The following TMEM237 variants were observed in gnomAD, a reference collection of about 807,000 sequenced individuals.
TMEM237 encodes the protein transmembrane protein 237, also known as amyotrophic lateral sclerosis 2 (juvenile) chromosome region, candidate 4.
A neutral mutation model predicts 59.1 loss-of-function variants in TMEM237; 51 were observed. The observed-to-expected ratio is 0.86, with a 90% CI of 0.69 to 1.09. The LOEUF is 1.09. Ranked by LOEUF, TMEM237 falls within the 50% of genes least tolerant of loss-of-function variation. The pLI is 0.00. For synonymous variants in TMEM237, 140 were observed against 166.1 expected (o/e 0.84, Z 1.21); for missense variants, 475 against 478.3 (o/e 0.99, Z 0.06).
Position 201,643,243 on chromosome 2 carries a change from G to T in TMEM237, c.42+116C>A. On this transcript the variant is annotated intron_variant, in intron 1 of 12. Coordinates refer to ENST00000409883, the MANE Select transcript of TMEM237 (RefSeq NM_001044385.3). This position sits in a 1 kb window ranked among gnomAD's most constrained non-coding sequence, Gnocchi z 4.3. The stretch of plus-strand genomic sequence containing the variant: ...CGGATGCGCGCACCCCACGAGCAAG[G>T]CCCTCCCTTAGTGATTCCCAGCTCG... The T allele has an allele frequency of 8.5e-7, 1 of 1,173,564 alleles. No individual in the cohort carries two copies. Among genetic ancestry groups the T allele is most frequent in the Non-Finnish European group, 1.2e-6 (1 of 830,544 alleles). 72.7% of individuals were successfully genotyped at this position (1,173,564 alleles called of 1,614,324 possible). A position where few individuals can be genotyped will look rare whatever the true frequency, so the allele number is the denominator to read the frequency against.
chr2:201,624,378 G>T, intron 12 of TMEM237, 56 bp from the exon 13 acceptor site: 3 of 1,314,734 alleles, frequency 2.3e-6, no homozygotes, highest in Non-Finnish European at 3.2e-6. Context: ...ACCTCCAACA[G>T]AGTTGTATAG....
chr2:201,638,027 T>C (rs1031093403), intron 4 of TMEM237, among the ~76,000 whole-genome samples: 2 of 152,226 alleles, frequency 1.3e-5, no homozygotes, highest in African/African-American at 4.8e-5. Flanking sequence ...ATTCCACTGC[T>C]AGCAATCCAT....
At chr2:201,639,193 A>C in intron 3 of TMEM237, 148 bp from the exon 4 acceptor site, 1 of 693,446 alleles carries the variant, frequency 1.4e-6, no homozygotes, top group South Asian at 1.9e-5. Context: ...GAAGGCAAGA[A>C]ATTGAGAAGA....
At chr2:201,636,426 G>A (rs1687297970) in intron 5 of TMEM237, 1 of 226,988 alleles carries the variant, frequency 4.4e-6, no homozygotes, top group Non-Finnish European at 8.5e-6. Flanking sequence ...TGTTAGTACA[G>A]AATCTACCAT....
At chr2:201,631,888 T>G (rs550344575) in intron 7 of TMEM237, among the ~76,000 whole-genome samples, 163 bp downstream of exon 7, 1 of 152,340 alleles carries the variant, frequency 6.6e-6, no homozygotes, top group East Asian at 1.9e-4. Context: ...TTAGGTTGTT[T>G]CCAGTTTTTC....
chr2:201,636,683 AG>A, intron 5 of TMEM237, 64 bp downstream of exon 5: 1 of 1,513,376 alleles, frequency 6.6e-7, no homozygotes, highest in South Asian at 1.2e-5. Flanking sequence ...GAAAGCAGAG[AG>A]GTTTTTATCA....
chr2:201,634,555 A>G (rs982281924), intron 5 of TMEM237, among the ~76,000 whole-genome samples: 1 of 152,230 alleles, frequency 6.6e-6, no homozygotes, highest in Non-Finnish European at 1.5e-5. Flanking sequence ...CTGTAAACAC[A>G]CTTTTCACAA....
At chr2:201,634,781 T>C (rs750338858) in intron 5 of TMEM237, 6 of 337,976 alleles carry the variant, frequency 1.8e-5, no homozygotes, top group Non-Finnish European at 3.7e-5. Flanking sequence ...CCCCAGGCAC[T>C]GTGGCATCCC....
chr2:201,633,664 G>A (rs1383521084), intron 5 of TMEM237, among the ~76,000 whole-genome samples: 1 of 152,066 alleles, frequency 6.6e-6, no homozygotes, highest in Non-Finnish European at 1.5e-5. Context: ...CAATACCCAG[G>A]CTGTGCTGAA....
At chr2:201,628,854 T>C (rs1390311854) in intron 9 of TMEM237, among the ~76,000 whole-genome samples, 2 of 152,152 alleles carry the variant, frequency 1.3e-5, no homozygotes, top group African/African-American at 4.8e-5. Context: ...TCCAGACCCA[T>C]AAGAGAATAA....
Position 201,643,274 on chromosome 2 carries a change from G to GGCCCCCCCCCCACA in TMEM237, c.42+84_42+85insTGTGGGGGGGGGGC. The GGCCCCCCCCCCACA allele has an allele frequency of 8.3e-7, 1 of 1,206,756 alleles. No homozygotes were observed. Among genetic ancestry groups the GGCCCCCCCCCCACA allele is most frequent in the Non-Finnish European group, 1.2e-6 (1 of 849,316 alleles). 74.8% of individuals were successfully genotyped at this position (1,206,756 alleles called of 1,614,324 possible). ...CCTTAGTGATTCCCAGCTCGTTGGC[G>GGCCCCCCCCCCACA]CCCCCCCACACACACCCACCCCCAC... is the stretch of plus-strand genomic sequence containing the variant. On this transcript the variant is annotated intron_variant, in intron 1 of 12. Coordinates refer to ENST00000409883, the MANE Select transcript of TMEM237 (RefSeq NM_001044385.3). The surrounding 1 kb of genome is among the most constrained non-coding windows in gnomAD (Gnocchi z 4.3).
Position 201,623,539 on chromosome 2 carries a change from C to T in TMEM237, c.*716G>A, listed in dbSNP as rs926298782. 2.6e-5 allele frequency: 4 copies of T among 153,980 alleles called. No individual in the cohort carries two copies. The highest frequency in any genetic ancestry group is 9.6e-5 in the African/African-American group (4 of 41,520). The allele number at this position is 153,980 out of a possible 1,614,324, so 9.5% of individuals were successfully genotyped here. A position where few individuals can be genotyped will look rare whatever the true frequency, so the allele number is the denominator to read the frequency against. Reference sequence around the variant, plus strand: ...AGCTCACAGGTCTCTCCTTTATTCCCCTGAGCCTTGCCCTGCTCAGCCTCT... The same window carrying T: ...AGCTCACAGGTCTCTCCTTTATTCCTCTGAGCCTTGCCCTGCTCAGCCTCT... On this transcript the variant is annotated 3_prime_UTR_variant, in exon 13 of 13. Coordinates refer to ENST00000409883, the MANE Select transcript of TMEM237 (RefSeq NM_001044385.3).
rs151163650 is a variant in TMEM237 at position 201,629,321 on chromosome 2, T to C, written c.778A>G (p.Asn260Asp). Residue 260 changes from asparagine to aspartate, a missense_variant, in exon 9 of 13, where the codon AAC becomes GAC. Coordinates refer to ENST00000409883, the MANE Select transcript of TMEM237 (RefSeq NM_001044385.3). ...AGGGTCTTGTATTGTTGCAGAAGGTTTGAGAGGTTGGATAGCTGATCTCCT... is the reference window on the plus strand; with the variant it reads ...AGGGTCTTGTATTGTTGCAGAAGGTCTGAGAGGTTGGATAGCTGATCTCCT... ...LAGDQLSNLS[N>D]LLQQYKTLAY... 1.4e-4 allele frequency: 228 copies of C among 1,612,002 alleles called. No individual in the cohort carries two copies. The African/African-American group carries it at 2.4e-3, about 17-fold the overall frequency.
chr2:201,632,972 A>G (rs1452344031), intron 6 of TMEM237, among the ~76,000 whole-genome samples: 8 of 152,228 alleles, frequency 5.3e-5, no homozygotes, highest in Non-Finnish European at 8.8e-5. Flanking sequence ...AACATAAGAA[A>G]ATAAATCACA....
chr2:201,640,511 ACTGT>A (rs1176804430), intron 2 of TMEM237, among the ~76,000 whole-genome samples: 4 of 152,126 alleles, frequency 2.6e-5, no homozygotes, highest in Non-Finnish European at 5.9e-5. Context: ...CATATTCCCT[ACTGT>A]CTATTAATAA....
rs371503069 is a variant in TMEM237, at chr2:201,629,862, C to G, written c.554-10G>C. 1 of 1,607,262 alleles carries G rather than the reference C, an allele frequency of 6.2e-7. No homozygotes were observed. Among genetic ancestry groups the G allele is most frequent in the Admixed American group, 1.7e-5 (1 of 58,234 alleles). On this transcript the variant is annotated splice_polypyrimidine_tract_variant and intron_variant, in intron 7 of 12. Coordinates refer to ENST00000409883, the MANE Select transcript of TMEM237 (RefSeq NM_001044385.3). ...GCAGCCTGGAATCTCCCTAAGAACA[C>G]ATAACGTAATTACTAACAACTAGCG... is the stretch of plus-strand genomic sequence containing the variant.
At position 201,626,026 on chromosome 2, in the gene TMEM237, C is replaced by T. The variant is rs1313323031; in HGVS notation, c.1159G>A (p.Glu387Lys). 3 of 1,573,454 alleles carry T rather than the reference C, an allele frequency of 1.9e-6. No homozygotes were observed. Among genetic ancestry groups the T allele is most frequent in the Middle Eastern group, 1.7e-4 (1 of 6,034 alleles). The stretch of plus-strand genomic sequence containing the variant: ...TTATGCTATTTTTTTTCTTTAATAC[C>T]TTCACTAAGATCCATGCCTGGCCTA... Reference protein sequence around the residue: ...SYRPGMDLSEELMFSSEVEEY... With the variant: ...SYRPGMDLSEKLMFSSEVEEY... The change falls in exon 12 of 13, where the codon GAG (glutamate) becomes AAG (lysine). Residue 387 changes from glutamate (E) to lysine (K), a missense_variant and splice_region_variant. Glu to Lys is a moderately conservative substitution (Grantham distance 56). Transcript: ENST00000409883.
Position 201,643,089 on chromosome 2 carries a change from T to A in TMEM237, c.42+270A>T. Reference sequence around the variant, plus strand: ...CGCCGGGCCCCGGGCCTCAGATGAGTGAGGCGTCGTCGTGGCAACGCGGGC... The same window carrying A: ...CGCCGGGCCCCGGGCCTCAGATGAGAGAGGCGTCGTCGTGGCAACGCGGGC... On this transcript the variant is annotated intron_variant, in intron 1 of 12. Transcript: ENST00000409883. The surrounding 1 kb of genome is among the most constrained non-coding windows in gnomAD (Gnocchi z 4.3). 1 of 1,019,534 alleles carries A rather than the reference T, an allele frequency of 9.8e-7. No homozygotes were observed. Among genetic ancestry groups the A allele is most frequent in the Non-Finnish European group, 1.3e-6 (1 of 753,562 alleles). The allele number at this position is 1,019,534 out of a possible 1,614,324, so 63.2% of individuals were successfully genotyped here. A position where few individuals can be genotyped will look rare whatever the true frequency, so the allele number is the denominator to read the frequency against.
intron 5 of TMEM237, 117 bp downstream of exon 5, chr2:201,636,631 A>C (rs1687300681): frequency 8.2e-7 from 1 of 1,216,506 alleles, no homozygotes; most frequent in South Asian, 1.5e-5. Context: ...TAAACATAAA[A>C]GCAAGAAACC....
Sources: gnomAD v4.1 joint callset for allele counts (sites outside exome capture counted in the v4.1 genomes callset) on GRCh38, gnomAD v4.1.1 for gene constraint, Gnocchi (gnomAD v3.1) non-coding constraint, MANE v1.5 for transcripts, NCBI Gene and HGNC (gene_info 2026-07-23, HGNC 2026-07-21) for gene names.